Variants in PRKG1 observed in about 807,000 individuals in gnomAD.
PRKG1 encodes the protein protein kinase cGMP-dependent 1.
PRKG1 carries 35 observed loss-of-function variants against 88.1 expected under a neutral mutation model. The ratio of observed to expected loss-of-function variants is 0.40; its 90% confidence interval spans 0.30 to 0.53. The LOEUF (loss-of-function observed/expected upper bound fraction) is 0.53. Ranked by LOEUF, PRKG1 falls within the 20% of genes least tolerant of loss-of-function variation. The probability of loss-of-function intolerance (pLI) is 0.59; values close to 1 mark genes in which losing one functional copy is unlikely to be tolerated. For synonymous variants in PRKG1, 303 were observed against 292.5 expected, an observed-to-expected ratio of 1.04 and a Z score of -0.37; for missense variants, 540 against 839.8, an observed-to-expected ratio of 0.64 and a Z score of 4.41.
chr10:51,942,279 A>G (rs372640495), intron 5 of PRKG1, among the ~76,000 whole-genome samples: 8 of 145,596 alleles, frequency 5.5e-5, no homozygotes, highest in East Asian at 2.0e-4. Context: ...CATGTCCTTC[A>G]CCCACTTTTT....
At chr10:51,163,070 C>G (rs1183292309) in intron 2 of PRKG1, among the ~76,000 whole-genome samples, 1 of 152,100 alleles carries the variant, frequency 6.6e-6, no homozygotes, top group Admixed American at 6.6e-5. Flanking sequence ...GAGGCTGAGG[C>G]AGGAGAATCT....
At chr10:52,201,981 A>C (rs1344223046) in intron 9 of PRKG1, among the ~76,000 whole-genome samples, 1 of 152,138 alleles carries the variant, frequency 6.6e-6, no homozygotes, top group Non-Finnish European at 1.5e-5. Context: ...TTATAGACGT[A>C]AAATCATATT....
chr10:51,324,918 G>A (rs965855943), intron 2 of PRKG1, among the ~76,000 whole-genome samples: 45 of 152,178 alleles, frequency 3.0e-4, no homozygotes, highest in African/African-American at 9.2e-4. Context: ...GCCAGATCAT[G>A]TAGTAGTTCT....
intron 2 of PRKG1, among the ~76,000 whole-genome samples, chr10:51,263,433 G>GA (rs1478765970): frequency 6.6e-6 from 1 of 152,190 alleles, no homozygotes; most frequent in African/African-American, 2.4e-5. Context: ...CCTCAGTGGT[G>GA]AAGTTGCTTC....
At chr10:51,613,555 T>G (rs1838967587) in intron 3 of PRKG1, among the ~76,000 whole-genome samples, 1 of 151,826 alleles carries the variant, frequency 6.6e-6, no homozygotes, top group African/African-American at 2.4e-5. Flanking sequence ...CTTCTGCTAA[T>G]TTTGGGTTTG....
chr10:51,347,827 C>T (rs541232503), intron 2 of PRKG1, among the ~76,000 whole-genome samples: 20 of 151,934 alleles, frequency 1.3e-4, no homozygotes, highest in Admixed American at 4.6e-4. Flanking sequence ...TTTGGGAGGC[C>T]GAGGCAGGCG....
intron 3 of PRKG1, among the ~76,000 whole-genome samples, chr10:51,638,407 G>T (rs1353944760): frequency 1.3e-5 from 2 of 152,012 alleles, no homozygotes; most frequent in Non-Finnish European, 2.9e-5. Context: ...GAGCAGAAAC[G>T]TAACTTAGCT....
At position 51,669,487 on chromosome 10, in the gene PRKG1, CA is replaced by C. The variant is rs764309968; in HGVS notation, c.593-135096del. Reference sequence around the variant, plus strand: ...TTTGGAGAGGGGAAGGGAGTGGGCACAATTCAGCTCATAGCACATAATATGG... The same window carrying C: ...TTTGGAGAGGGGAAGGGAGTGGGCACATTCAGCTCATAGCACATAATATGG... On this transcript the variant is annotated intron_variant, in intron 3 of 17. Coordinates refer to ENST00000373980, the MANE Select transcript of PRKG1 (RefSeq NM_006258.4). Among the ~76,000 whole-genome samples, 4 of 152,256 alleles carry C rather than the reference CA, an allele frequency of 2.6e-5. No individual in the cohort carries two copies. In the East Asian group the frequency reaches 7.7e-4, roughly 29 times the overall value.
chr10:52,037,845 G>T (rs1845656694), intron 5 of PRKG1, among the ~76,000 whole-genome samples: 1 of 152,110 alleles, frequency 6.6e-6, no homozygotes, highest in Non-Finnish European at 1.5e-5. Flanking sequence ...GAGGTCAGAT[G>T]GATCTGTAGA....
intron 4 of PRKG1, among the ~76,000 whole-genome samples, chr10:51,891,074 C>A (rs1353826286): frequency 6.7e-6 from 1 of 148,180 alleles, no homozygotes; most frequent in African/African-American, 2.5e-5. Context: ...TCAGCCTGGG[C>A]AACATACTGA....
At chr10:51,508,807 C>A (rs932714519) in intron 3 of PRKG1, among the ~76,000 whole-genome samples, 3 of 152,150 alleles carry the variant, frequency 2.0e-5, no homozygotes, top group Non-Finnish European at 4.4e-5. Flanking sequence ...AATTAGAAGG[C>A]ATTTAATCTA....
intron 10 of PRKG1, among the ~76,000 whole-genome samples, chr10:52,262,809 T>G (rs1336242313): frequency 2.6e-5 from 4 of 152,112 alleles, no homozygotes; most frequent in Non-Finnish European, 4.4e-5. Flanking sequence ...CATTCTCTCC[T>G]ATATTTTAAA....
intron 3 of PRKG1, among the ~76,000 whole-genome samples, chr10:51,632,068 G>A (rs995963934): frequency 6.7e-6 from 1 of 150,028 alleles, no homozygotes; most frequent in African/African-American, 2.5e-5. Context: ...ACACAAATTT[G>A]TAAACTTTCT....
At chr10:51,937,745 A>T (rs918712339) in intron 5 of PRKG1, among the ~76,000 whole-genome samples, 1 of 152,068 alleles carries the variant, frequency 6.6e-6, no homozygotes, top group African/African-American at 2.4e-5. Flanking sequence ...ATTTCCACTG[A>T]CTGAGAGTGC....
At chr10:52,073,414 C>T (rs1358251698) in intron 7 of PRKG1, among the ~76,000 whole-genome samples, 1 of 152,194 alleles carries the variant, frequency 6.6e-6, no homozygotes, top group Non-Finnish European at 1.5e-5. Context: ...TGCTCTGGCA[C>T]TCCCTGTTGT....
At chr10:51,814,217 G>C (rs1241777214) in intron 4 of PRKG1, among the ~76,000 whole-genome samples, 4 of 152,116 alleles carry the variant, frequency 2.6e-5, no homozygotes, top group Non-Finnish European at 4.4e-5. Flanking sequence ...CACATACAAA[G>C]TATCTTTTGT....
chr10:51,292,009 T>C (rs1840595495), intron 2 of PRKG1, among the ~76,000 whole-genome samples: 1 of 152,196 alleles, frequency 6.6e-6, no homozygotes, highest in Non-Finnish European at 1.5e-5. Context: ...AGCCTTTGTT[T>C]AACGTTGTTA....
At position 51,606,937 on chromosome 10, in the gene PRKG1, G is replaced by A. The variant is rs80326930; in HGVS notation, c.592+139101G>A. Among the ~76,000 whole-genome samples, 604 of 152,040 alleles carry A rather than the reference G, an allele frequency of 4.0e-3. 2 individuals carry two copies. The highest frequency in any genetic ancestry group is 0.014 in the African/African-American group (575 of 41,370). ...ATCTGCTGATTGCTAATTTTCTTGG[G>A]TGTTGTTGCACTGCCTTGCTGTAAT... On this transcript the variant is annotated intron_variant, in intron 3 of 17. Transcript: ENST00000373980.
intron 2 of PRKG1, among the ~76,000 whole-genome samples, chr10:51,466,191 A>C (rs1207782820): frequency 6.6e-6 from 1 of 152,162 alleles, no homozygotes; most frequent in Non-Finnish European, 1.5e-5. Context: ...AAAAAAAGGA[A>C]GGAAAATGCC....
Sources: gnomAD v4.1 joint callset for allele counts (sites outside exome capture counted in the v4.1 genomes callset) on GRCh38, gnomAD v4.1.1 for gene constraint, MANE v1.5 for transcripts, NCBI Gene and HGNC (gene_info 2026-07-23, HGNC 2026-07-21) for gene names.